Variants in CLEC4A observed in about 807,000 individuals in gnomAD.
CLEC4A encodes the protein C-type lectin domain family 4 member A.
CLEC4A carries 27 observed loss-of-function variants against 32.7 expected under a neutral mutation model. The observed-to-expected ratio is 0.83, with a 90% CI of 0.61 to 1.14. CLEC4A has a LOEUF of 1.14. CLEC4A is among the 50% of genes most tolerant of loss of function. The pLI is 0.00. For missense variants in CLEC4A, 253 were observed against 274.6 expected (o/e 0.92, Z 0.55); for synonymous variants, 89 against 93.7 (o/e 0.95, Z 0.29).
intron 4 of CLEC4A, 71 bp from the exon 5 acceptor site, chr12:8,136,717 C>T: frequency 1.1e-6 from 1 of 899,878 alleles, no homozygotes. Context: ...CTTCTTGTTT[C>T]TCTAAGGTAT....
At chr12:8,126,307 C>T (rs942326243) in intron 2 of CLEC4A, among the ~76,000 whole-genome samples, 3 of 151,866 alleles carry the variant, frequency 2.0e-5, no homozygotes, top group East Asian at 3.9e-4. Flanking sequence ...CAGGTTCAAG[C>T]GATTCTCCCA....
the CLEC4A span, among the ~76,000 whole-genome samples, chr12:8,104,736 C>T: frequency 1.3e-5 from 2 of 152,134 alleles, no homozygotes; most frequent in African/African-American, 4.8e-5. Flanking sequence ...CTCCCCCTCC[C>T]CACTCAGGGA....
At position 8,129,399 on chromosome 12, in the gene CLEC4A, G is replaced by A. The variant is rs1461920767; in HGVS notation, c.298+37G>A. On this transcript the variant is annotated intron_variant, in intron 3 of 5. Coordinates refer to ENST00000229332, the MANE Select transcript of CLEC4A (RefSeq NM_016184.4). ...TGTGCCTAGAATTCAGTTGCTGAAT[G>A]TACTATGTAAGGATCCCAAATCAAT... 4 of 1,302,302 alleles carry A rather than the reference G, an allele frequency of 3.1e-6. No individual in the cohort carries two copies. The South Asian group carries it at 4.9e-5, about 16-fold the overall frequency. 80.7% of individuals were successfully genotyped at this position (1,302,302 alleles called of 1,614,324 possible). A position where few individuals can be genotyped will look rare whatever the true frequency, so the allele number is the denominator to read the frequency against.
At chr12:8,104,523 C>T in the CLEC4A span, among the ~76,000 whole-genome samples, 2 of 152,188 alleles carry the variant, frequency 1.3e-5, no homozygotes, top group Non-Finnish European at 2.9e-5. Flanking sequence ...ATCAAACCAT[C>T]CCTGCCTTCT....
the CLEC4A span, among the ~76,000 whole-genome samples, chr12:8,107,390 A>G: frequency 6.6e-6 from 1 of 152,184 alleles, no homozygotes; most frequent in Non-Finnish European, 1.5e-5. Context: ...GCTTCAGAGA[A>G]TCAGTTAGCG....
chr12:8,126,078 A>G (rs1484545600), intron 2 of CLEC4A, among the ~76,000 whole-genome samples: 1 of 152,230 alleles, frequency 6.6e-6, no homozygotes, highest in African/African-American at 2.4e-5. Context: ...CAACAAGGAG[A>G]TGGGAAGAAA....
At chr12:8,136,564 A>C (rs1285351657) in intron 4 of CLEC4A, among the ~76,000 whole-genome samples, 24 of 6,068 alleles carry the variant, frequency 4.0e-3, no homozygotes, top group Non-Finnish European at 0.022. Context: ...ACTCCATCTC[A>C]AAAAAAAAAA....
intron 2 of CLEC4A, among the ~76,000 whole-genome samples, chr12:8,126,998 T>C (rs1167285215): frequency 6.6e-6 from 1 of 152,252 alleles, no homozygotes; most frequent in Admixed American, 6.5e-5. Context: ...GGTTATTTTA[T>C]CAATTATCTT....
At chr12:8,104,731 C>G in the CLEC4A span, among the ~76,000 whole-genome samples, 1 of 152,098 alleles carries the variant, frequency 6.6e-6, no homozygotes, top group South Asian at 2.1e-4. Flanking sequence ...CCCTTCTCCC[C>G]CTCCCCACTC....
chr12:8,133,839 A>T lies in CLEC4A; in HGVS notation c.299-1746A>T, dbSNP rs947614244. ...GGGGGAAAGGCTTCCCCCTCAGGGA[A>T]AGGGACCGAGGAGTACAGTGCAGTG... is the stretch of plus-strand genomic sequence containing the variant. On this transcript the variant is annotated intron_variant, in intron 3 of 5. Coordinates refer to ENST00000229332, the MANE Select transcript of CLEC4A (RefSeq NM_016184.4). 3.8e-5 allele frequency: 61 copies of T among 1,585,220 alleles called. No homozygotes were observed. In the Admixed American group the frequency reaches 7.1e-4, roughly 18 times the overall value.
chr12:8,116,532 T>C, the CLEC4A span, among the ~76,000 whole-genome samples: 2 of 152,226 alleles, frequency 1.3e-5, no homozygotes, highest in Non-Finnish European at 2.9e-5. Flanking sequence ...TTATGACCCA[T>C]CTGTATTGGC....
At chr12:8,113,786 C>CA in the CLEC4A span, among the ~76,000 whole-genome samples, 1 of 152,186 alleles carries the variant, frequency 6.6e-6, no homozygotes, top group Non-Finnish European at 1.5e-5. Flanking sequence ...TACAAGGGTG[C>CA]ATTATTAAGT....
At chr12:8,110,937 G>A in the CLEC4A span, among the ~76,000 whole-genome samples, 2 of 151,264 alleles carry the variant, frequency 1.3e-5, no homozygotes, top group Non-Finnish European at 2.9e-5. Flanking sequence ...GCAGTGGTGT[G>A]ATCTCCGCTC....
At chr12:8,132,026 T>C (rs1299218661) in intron 3 of CLEC4A, among the ~76,000 whole-genome samples, 2 of 152,248 alleles carry the variant, frequency 1.3e-5, no homozygotes, top group East Asian at 3.9e-4. Context: ...GGCCCCAGTG[T>C]GTGTTGTTCC....
intron 5 of CLEC4A, 86 bp downstream of exon 5, chr12:8,136,989 A>C: frequency 3.8e-6 from 3 of 797,854 alleles, no homozygotes; most frequent in Non-Finnish European, 6.2e-6. Context: ...ATAAAAGTAA[A>C]ATAGCTCACT....
At chr12:8,108,373 A>T in the CLEC4A span, among the ~76,000 whole-genome samples, 1 of 152,222 alleles carries the variant, frequency 6.6e-6, no homozygotes, top group Non-Finnish European at 1.5e-5. Context: ...CATTTTAATT[A>T]TAAGTGGCTA....
At chr12:8,136,343 T>A (rs1484077644) in intron 4 of CLEC4A, among the ~76,000 whole-genome samples, 2 of 152,118 alleles carry the variant, frequency 1.3e-5, no homozygotes, top group Non-Finnish European at 2.9e-5. Context: ...GGCGGGCGGA[T>A]CACTTGAGGC....
At chr12:8,131,157 A>C (rs1421083551) in intron 3 of CLEC4A, among the ~76,000 whole-genome samples, 1 of 152,216 alleles carries the variant, frequency 6.6e-6, no homozygotes, top group Non-Finnish European at 1.5e-5. Context: ...ACATCATATC[A>C]AGGGCATATA....
At chr12:8,131,224 G>A (rs954807558) in intron 3 of CLEC4A, among the ~76,000 whole-genome samples, 1 of 152,198 alleles carries the variant, frequency 6.6e-6, no homozygotes, top group Non-Finnish European at 1.5e-5. Context: ...TTAAGGTAGT[G>A]TTTGTCAAGT....
Sources: allele counts gnomAD v4.1 joint callset (sites outside exome capture counted in the v4.1 genomes callset), GRCh38; gene constraint gnomAD v4.1.1; transcripts MANE v1.5; gene names NCBI Gene and HGNC (gene_info 2026-07-23, HGNC 2026-07-21).